The following STING1 variants were observed in gnomAD, a reference collection of about 807,000 sequenced individuals.
STING1 encodes stimulator of interferon response cGAMP interactor 1.
Under a neutral mutation model 31.6 loss-of-function variants are expected in STING1, and 19 were observed. That is an observed-to-expected ratio of 0.60 (90% CI 0.42 to 0.88). The LOEUF (loss-of-function observed/expected upper bound fraction) is 0.88, where lower values mean the gene tolerates loss of function less well. STING1 is among the 40% of genes least tolerant of loss of function. STING1 has a pLI of 0.00. For synonymous variants in STING1, 200 were observed against 208.6 expected (o/e 0.96, Z 0.35); for missense variants, 371 against 483.7 (o/e 0.77, Z 2.19).
chr5:139,478,388 A>G lies in STING1; in HGVS notation c.641T>C (p.Met214Thr), dbSNP rs1159689080. 3.1e-6 allele frequency: 5 copies of G among 1,614,090 alleles called. No homozygotes were observed. Among genetic ancestry groups the G allele is most frequent in the African/African-American group, 2.7e-5 (2 of 74,940 alleles). The change falls in exon 6 of 8, where the codon ATG (methionine) becomes ACG (threonine). Residue 214 changes from methionine (M) to threonine (T), a missense_variant. Met to Thr is a moderately conservative substitution (Grantham distance 81). Transcript: ENST00000330794. ...LDCGVPDNLSMADPNIRFLDK... is the reference protein window; with the variant it reads ...LDCGVPDNLSTADPNIRFLDK... ...CAGGAAGCGAATGTTGGGGTCAGCC[A>G]TACTCAGGTTATCAGGCACCCCACA...
In STING1 at chr5:139,481,980, C is replaced by G; in HGVS notation, c.-1+230G>C. The G allele has an allele frequency of 2.4e-6, 1 of 422,516 alleles. No homozygotes were observed. The allele number at this position is 422,516 out of a possible 1,614,324, so 26.2% of individuals were successfully genotyped here. A position where few individuals can be genotyped will look rare whatever the true frequency, so the allele number is the denominator to read the frequency against. On this transcript the variant is annotated intron_variant, in intron 2 of 7. Coordinates refer to ENST00000330794, the MANE Select transcript of STING1 (RefSeq NM_198282.4). This position sits in a 1 kb window ranked among gnomAD's most constrained non-coding sequence, Gnocchi z 4.1. ...CAGGTGTGGTGAAGAAAGAAGGCAG[C>G]AACTATCCCAGACCCAGACTTGAAG... is the stretch of plus-strand genomic sequence containing the variant.
Position 139,481,383 on chromosome 5 carries a change from C to T in STING1, c.228-41G>A. ...AGACCCCAGACCCCAGCCCCCAGCC[C>T]AGCTCAGCCAGAGAGGTTCAAGGAG... On this transcript the variant is annotated intron_variant, in intron 3 of 7. Transcript: ENST00000330794. The surrounding 1 kb of genome is among the most constrained non-coding windows in gnomAD (Gnocchi z 4.1). 1 of 1,579,894 alleles carries T rather than the reference C, an allele frequency of 6.3e-7. No individual in the cohort carries two copies. Among genetic ancestry groups the T allele is most frequent in the Non-Finnish European group, 8.6e-7 (1 of 1,161,188 alleles).
rs1751822928 is a variant in STING1 at position 139,481,018 on chromosome 5, C to T, written c.412-120G>A. On this transcript the variant is annotated intron_variant, in intron 4 of 7. Coordinates refer to ENST00000330794, the MANE Select transcript of STING1 (RefSeq NM_198282.4). This position sits in a 1 kb window ranked among gnomAD's most constrained non-coding sequence, Gnocchi z 4.1. Reference sequence around the variant, plus strand: ...GATCCCTCTTTTGCCATTGCCAAACCCACTGTTCCAGGACATTATAGGTTC... The same window carrying T: ...GATCCCTCTTTTGCCATTGCCAAACTCACTGTTCCAGGACATTATAGGTTC... 2.5e-6 allele frequency: 3 copies of T among 1,203,850 alleles called. No homozygotes were observed. Among genetic ancestry groups the T allele is most frequent in the Non-Finnish European group, 3.6e-6 (3 of 824,858 alleles). The allele number at this position is 1,203,850 out of a possible 1,614,324, so 74.6% of individuals were successfully genotyped here.
chr5:139,482,387 G>A (rs1274472632), intron 1 of STING1, 85 bp from the exon 2 acceptor site: 1 of 152,246 alleles, frequency 6.6e-6, no homozygotes, highest in Non-Finnish European at 1.5e-5. Context: ...TACTGGTGCT[G>A]GGAAGGAGGG....
rs201015563 is a variant in STING1, at chr5:139,476,422, G to T, written c.979C>A (p.Gln327Lys). The change falls in exon 8 of 8, where the codon CAG becomes AAG. Residue 327 changes from glutamine to lysine, a missense_variant. Coordinates refer to ENST00000330794, the MANE Select transcript of STING1 (RefSeq NM_198282.4). ...TGCCGCAGGTGCCGGAGAACCTCCT[G>T]GGACAGCGAGAAGCTGCTGTCATCT... ...PADDSSFSLS[Q>K]EVLRHLRQEE... The T allele has an allele frequency of 6.2e-7, 1 of 1,612,360 alleles. No individual in the cohort carries two copies. Among genetic ancestry groups the T allele is most frequent in the African/African-American group, 1.3e-5 (1 of 74,936 alleles).
Position 139,481,441 on chromosome 5 carries a change from G to A in STING1, c.227+37C>T, listed in dbSNP as rs372645880. The A allele has an allele frequency of 2.1e-4, 339 of 1,603,136 alleles. No individual in the cohort carries two copies. Among genetic ancestry groups the A allele is most frequent in the South Asian group, 6.1e-4 (55 of 90,330 alleles). On this transcript the variant is annotated intron_variant, in intron 3 of 7. Transcript: ENST00000330794. The surrounding 1 kb of genome is among the most constrained non-coding windows in gnomAD (Gnocchi z 4.1). Reference sequence around the variant, plus strand: ...GCTAGGCATCAAGGGAGTGACACACGTTGGATACCCCGTCCCTGGGTACTG... The same window carrying A: ...GCTAGGCATCAAGGGAGTGACACACATTGGATACCCCGTCCCTGGGTACTG...
rs142499970 is a variant in STING1 at position 139,478,306 on chromosome 5, G to A, written c.723C>T (p.Ser241=). Residue 241 remains serine (S), a synonymous_variant, in exon 6 of 8, where the codon AGC becomes AGT. Coordinates refer to ENST00000330794, the MANE Select transcript of STING1 (RefSeq NM_198282.4). ...DHAGIKDRVY[S]NSIYELLENG... ...TCTCCAGAAGCTCATAGATGCTGTTGCTGTAAACCCGATCCTTGATGCCAG... is the reference window on the plus strand; with the variant it reads ...TCTCCAGAAGCTCATAGATGCTGTTACTGTAAACCCGATCCTTGATGCCAG... 1.2e-6 allele frequency: 2 copies of A among 1,613,928 alleles called. No individual in the cohort carries two copies. Among genetic ancestry groups the A allele is most frequent in the African/African-American group, 2.7e-5 (2 of 74,902 alleles).
Position 139,481,627 on chromosome 5 carries a change from C to G in STING1, c.78G>C (p.Leu26=). ...CCCAAAGGGTCACCAGGCAGGCACT[C>G]AGCAGAACCAAGGCTGCCTTCTGGG... is the stretch of plus-strand genomic sequence containing the variant. ...HGAQKAALVL[L]SACLVTLWGL... The change falls in exon 3 of 8, where the codon CTG becomes CTC. Residue 26 remains leucine (L), a synonymous_variant. Transcript: ENST00000330794. This position sits in a 1 kb window ranked among gnomAD's most constrained non-coding sequence, Gnocchi z 4.1. 1.2e-6 allele frequency: 2 copies of G among 1,613,234 alleles called. No individual in the cohort carries two copies. The highest frequency in any genetic ancestry group is 1.7e-6 in the Non-Finnish European group (2 of 1,179,618).
chr5:139,481,473 G>A lies in STING1; in HGVS notation c.227+5C>T. 1 of 1,613,076 alleles carries A rather than the reference G, an allele frequency of 6.2e-7. No individual in the cohort carries two copies. The highest frequency in any genetic ancestry group is 2.2e-5 in the East Asian group (1 of 44,850). On this transcript the variant is annotated splice_donor_5th_base_variant and intron_variant, in intron 3 of 7. Transcript: ENST00000330794. The surrounding 1 kb of genome is among the most constrained non-coding windows in gnomAD (Gnocchi z 4.1). ...ACCCCGTCCCTGGGTACTGCAGTGA[G>A]TCACCTGGAGTGGATGTGGCGCAGC...
At chr5:139,477,682 C>G (rs1427662294) in intron 6 of STING1, among the ~76,000 whole-genome samples, 167 bp from the exon 7 acceptor site, 1 of 152,176 alleles carries the variant, frequency 6.6e-6, no homozygotes, top group Non-Finnish European at 1.5e-5. Flanking sequence ...TCTATGCTGT[C>G]TGGCCTGCCT....
rs1751652018 is a variant in STING1, at chr5:139,476,164, G to A, written c.*97C>T. Reference sequence around the variant, plus strand: ...ACCCTTCCCTGCAAGGCCCCCTGTGGAAGGAAATAGCTCTGCTGGACATTC... The same window carrying A: ...ACCCTTCCCTGCAAGGCCCCCTGTGAAAGGAAATAGCTCTGCTGGACATTC... On this transcript the variant is annotated 3_prime_UTR_variant, in exon 8 of 8. Transcript: ENST00000330794. 2 of 1,001,162 alleles carry A rather than the reference G, an allele frequency of 2.0e-6. No individual in the cohort carries two copies. Among genetic ancestry groups the A allele is most frequent in the African/African-American group, 3.3e-5 (2 of 61,204 alleles). 62.0% of individuals were successfully genotyped at this position (1,001,162 alleles called of 1,614,324 possible). A position where few individuals can be genotyped will look rare whatever the true frequency, so the allele number is the denominator to read the frequency against.
intron 5 of STING1, chr5:139,478,782 G>C (rs1218228277): frequency 2.3e-6 from 1 of 427,900 alleles, no homozygotes; most frequent in Non-Finnish European, 4.3e-6. Context: ...AGGGCTGAGA[G>C]GCAGGCAGAG....
At position 139,478,329 on chromosome 5, in the gene STING1, C is replaced by T; in HGVS notation, c.700G>A (p.Gly234Ser). ...TTGCTGTAAACCCGATCCTTGATGC[C>T]AGCATGGTCACCGGTCTGCTGGGGC... ...KLPQQTGDHA[G>S]IKDRVYSNSI... Residue 234 changes from glycine to serine, a missense_variant, in exon 6 of 8, where the codon GGC becomes AGC. Transcript: ENST00000330794. The T allele has an allele frequency of 6.2e-7, 1 of 1,614,118 alleles. No individual in the cohort carries two copies.
chr5:139,476,003 T>G lies in STING1; in HGVS notation c.*258A>C. 1 of 418,900 alleles carries G rather than the reference T, an allele frequency of 2.4e-6. No individual in the cohort carries two copies. The highest frequency in any genetic ancestry group is 4.3e-6 in the Non-Finnish European group (1 of 230,872). The allele number at this position is 418,900 out of a possible 1,614,324, so 25.9% of individuals were successfully genotyped here. A position where few individuals can be genotyped will look rare whatever the true frequency, so the allele number is the denominator to read the frequency against. On this transcript the variant is annotated 3_prime_UTR_variant, in exon 8 of 8. Transcript: ENST00000330794. Reference sequence around the variant, plus strand: ...AAGTTTATGAAAAACTTCCACACACTCAGTCCTCACAACAACCGTGAGGGA... The same window carrying G: ...AAGTTTATGAAAAACTTCCACACACGCAGTCCTCACAACAACCGTGAGGGA...
At position 139,481,408 on chromosome 5, in the gene STING1, G is replaced by A. The variant is rs1751843305; in HGVS notation, c.228-66C>T. The A allele has an allele frequency of 1.9e-6, 3 of 1,587,558 alleles. No homozygotes were observed. Among genetic ancestry groups the A allele is most frequent in the Non-Finnish European group, 2.6e-6 (3 of 1,164,316 alleles). ...CAGCTCAGCCAGAGAGGTTCAAGGA[G>A]GGGCAGGGCTAGGCATCAAGGGAGT... On this transcript the variant is annotated intron_variant, in intron 3 of 7. Coordinates refer to ENST00000330794, the MANE Select transcript of STING1 (RefSeq NM_198282.4). This position sits in a 1 kb window ranked among gnomAD's most constrained non-coding sequence, Gnocchi z 4.1.
intron 5 of STING1, among the ~76,000 whole-genome samples, chr5:139,480,447 G>C (rs1308243698): frequency 6.6e-6 from 1 of 152,136 alleles, no homozygotes; most frequent in Non-Finnish European, 1.5e-5. Flanking sequence ...TCGGGAACCT[G>C]AGCCAGGATA....
chr5:139,477,551 G>A (rs764660034), intron 6 of STING1, 36 bp from the exon 7 acceptor site: 1 of 1,596,694 alleles, frequency 6.3e-7, no homozygotes, highest in Admixed American at 1.7e-5. Context: ...ACTAAGCCAG[G>A]GGCCAGGCGG....
intron 7 of STING1, 28 bp downstream of exon 7, chr5:139,477,301 T>A: frequency 6.2e-7 from 1 of 1,608,834 alleles, no homozygotes. Flanking sequence ...CTCCAGCCTA[T>A]CAACCCCTCA....
chr5:139,481,180 C>G lies in STING1; in HGVS notation c.390G>C (p.Leu130=). The G allele has an allele frequency of 6.2e-7, 1 of 1,614,212 alleles. No individual in the cohort carries two copies. The highest frequency in any genetic ancestry group is 8.5e-7 in the Non-Finnish European group (1 of 1,180,036). Residue 130 remains leucine (L), a synonymous_variant, in exon 4 of 8, where the codon CTG becomes CTC. Coordinates refer to ENST00000330794, the MANE Select transcript of STING1 (RefSeq NM_198282.4). The surrounding 1 kb of genome is among the most constrained non-coding windows in gnomAD (Gnocchi z 4.1). The part of the protein sequence containing the change: ...MLALLGLSQA[L]NILLGLKGLA... Reference sequence around the variant, plus strand: ...ATACCTTGAGGCCCAGGAGGATGTTCAGTGCCTGCGAGAGGCCCAGGAGGG... The same window carrying G: ...ATACCTTGAGGCCCAGGAGGATGTTGAGTGCCTGCGAGAGGCCCAGGAGGG...
Sources: allele counts gnomAD v4.1 joint callset (sites outside exome capture counted in the v4.1 genomes callset), GRCh38; gene constraint gnomAD v4.1.1; non-coding constraint Gnocchi (gnomAD v3.1); transcripts MANE v1.5; gene names NCBI Gene and HGNC (gene_info 2026-07-23, HGNC 2026-07-21).